Variants in ASCC3 observed in about 807,000 individuals in gnomAD.
ASCC3 encodes the protein ASC-1 complex subunit P200.
A neutral mutation model predicts 256.3 loss-of-function variants in ASCC3; 158 were observed. The ratio of observed to expected loss-of-function variants is 0.62; its 90% CI spans 0.54 to 0.70. ASCC3 has a LOEUF of 0.70. Ranked by LOEUF, ASCC3 falls within the 30% of genes least tolerant of loss-of-function variation. ASCC3 has a pLI of 0.00. For missense variants in ASCC3, 2,259 were observed against 2,626.0 expected (o/e 0.86, Z 3.05); for synonymous variants, 948 against 883.4 (o/e 1.07, Z -1.30).
intron 36 of ASCC3, among the ~76,000 whole-genome samples, chr6:100,578,856 T>C (rs1446012821): frequency 1.3e-5 from 2 of 152,152 alleles, no homozygotes; most frequent in Admixed American, 1.3e-4. Flanking sequence ...CTTTCCACAA[T>C]GGCTGAACTA....
At chr6:100,569,313 T>C (rs922151896) in intron 36 of ASCC3, among the ~76,000 whole-genome samples, 4 of 152,120 alleles carry the variant, frequency 2.6e-5, no homozygotes, top group African/African-American at 4.8e-5. Context: ...TCTATTCTGT[T>C]CCACAGGTTT....
At chr6:100,750,730 T>A (rs889575672) in intron 10 of ASCC3, among the ~76,000 whole-genome samples, 3 of 152,044 alleles carry the variant, frequency 2.0e-5, no homozygotes, top group Admixed American at 6.6e-5. Flanking sequence ...ACCATTCTTT[T>A]ATAAAACATT....
rs1305516649 is a variant in ASCC3 at position 100,718,249 on chromosome 6, C to T, written c.1905G>A (p.Val635=). Residue 635 remains valine (V), a splice_region_variant and synonymous_variant, in exon 12 of 42, where the codon GTG becomes GTA. Transcript: ENST00000369162. ...TCCTTATCATACTCTGTGTGGATTC[C>T]ACCTATATGGATTATTTTAATTAAA... ...ESIVARTLRQ[V]ESTQSMIRIL... is the part of the protein sequence containing the mutation. 6 of 1,597,570 alleles carry T rather than the reference C, an allele frequency of 3.8e-6. No individual in the cohort carries two copies. In the South Asian group the frequency reaches 4.5e-5, roughly 12 times the overall value.
intron 3 of ASCC3, among the ~76,000 whole-genome samples, chr6:100,860,091 T>A (rs1187119515): frequency 6.6e-6 from 1 of 152,016 alleles, no homozygotes; most frequent in African/African-American, 2.4e-5. Flanking sequence ...TAATTTAAAT[T>A]CTTAAGTAAC....
chr6:100,601,790 A>G lies in ASCC3; in HGVS notation c.5303+20T>C, dbSNP rs757535000. On this transcript the variant is annotated intron_variant, in intron 34 of 41. Coordinates refer to ENST00000369162, the MANE Select transcript of ASCC3 (RefSeq NM_006828.4). ...ATTTCGGGGCAAAACAGAAAGGTAT[A>G]TAACTGCCCTTGCACTTACCTGGGA... 1 of 1,611,348 alleles carries G rather than the reference A, an allele frequency of 6.2e-7. No homozygotes were observed. Among genetic ancestry groups the G allele is most frequent in the Non-Finnish European group, 8.5e-7 (1 of 1,178,046 alleles).
chr6:100,776,390 A>G (rs1477808191), intron 8 of ASCC3, among the ~76,000 whole-genome samples: 1 of 152,086 alleles, frequency 6.6e-6, no homozygotes, highest in Admixed American at 6.6e-5. Flanking sequence ...AAAACATATC[A>G]TAATTAGCAG....
chr6:100,512,573 C>T, intron 40 of ASCC3, 136 bp downstream of exon 40: 1 of 911,564 alleles, frequency 1.1e-6, no homozygotes. Flanking sequence ...AAAAGACTAA[C>T]TCTCGCTGCT....
intron 14 of ASCC3, 65 bp downstream of exon 14, chr6:100,679,553 C>T: frequency 6.2e-7 from 1 of 1,605,094 alleles, no homozygotes; most frequent in Non-Finnish European, 8.5e-7. Context: ...GGATCTTTCA[C>T]ATATAAAATA....
intron 4 of ASCC3, among the ~76,000 whole-genome samples, chr6:100,843,745 A>T (rs557514976): frequency 1.1e-4 from 16 of 152,132 alleles, no homozygotes; most frequent in Non-Finnish European, 2.2e-4. Context: ...TTAAAAAGCC[A>T]GGCAGGAAAA....
intron 8 of ASCC3, among the ~76,000 whole-genome samples, chr6:100,778,031 A>T (rs1782268652): frequency 6.6e-6 from 1 of 152,032 alleles, no homozygotes. Context: ...AATGGAGAGA[A>T]GTAGCAGAAC....
At chr6:100,711,439 C>T (rs867548643) in intron 13 of ASCC3, among the ~76,000 whole-genome samples, 1 of 151,952 alleles carries the variant, frequency 6.6e-6, no homozygotes, top group South Asian at 2.1e-4. Flanking sequence ...ATAATGAAAT[C>T]TATAGGGCTG....
intron 4 of ASCC3, among the ~76,000 whole-genome samples, chr6:100,831,881 C>G (rs1771634956): frequency 6.6e-6 from 1 of 151,240 alleles, no homozygotes; most frequent in African/African-American, 2.4e-5. Flanking sequence ...TAAAACAAAA[C>G]AAAAAAGTTA....
intron 10 of ASCC3, among the ~76,000 whole-genome samples, chr6:100,762,413 T>C (rs1781462309): frequency 6.6e-6 from 1 of 152,176 alleles, no homozygotes; most frequent in African/African-American, 2.4e-5. Context: ...ACAGTGAACA[T>C]TGTAAAATAG....
intron 4 of ASCC3, among the ~76,000 whole-genome samples, chr6:100,813,048 C>T (rs1770556268): frequency 6.6e-6 from 1 of 152,140 alleles, no homozygotes; most frequent in South Asian, 2.1e-4. Context: ...AGTGCACCAA[C>T]ATACACATAA....
intron 13 of ASCC3, among the ~76,000 whole-genome samples, chr6:100,683,747 T>G (rs978003728): frequency 1.3e-5 from 2 of 152,088 alleles, no homozygotes; most frequent in Admixed American, 1.3e-4. Flanking sequence ...AAATTCAGAT[T>G]TTTATAAAAC....
At position 100,767,172 on chromosome 6, in the gene ASCC3, T is replaced by C; in HGVS notation, c.1569A>G (p.Gln523=). 1 of 1,614,172 alleles carries C rather than the reference T, an allele frequency of 6.2e-7. No individual in the cohort carries two copies. The highest frequency in any genetic ancestry group is 8.5e-7 in the Non-Finnish European group (1 of 1,180,018). ...TAAATTCATTCTTTTTGATAACACC[T>C]TGTTGAAAATGTTGGCGAATTTCAT... ...VLHEIRQHFQ[Q]GVIKKNEFKI... is the part of the protein sequence containing the mutation. Residue 523 remains glutamine (Q), a synonymous_variant, in exon 9 of 42, where the codon CAA becomes CAG. Coordinates refer to ENST00000369162, the MANE Select transcript of ASCC3 (RefSeq NM_006828.4).
At chr6:100,546,581 C>A (rs749133637) in intron 36 of ASCC3, among the ~76,000 whole-genome samples, 2 of 152,008 alleles carry the variant, frequency 1.3e-5, no homozygotes, top group Non-Finnish European at 2.9e-5. Context: ...TGAACGGATG[C>A]AATCTACTGT....
At position 100,783,537 on chromosome 6, in the gene ASCC3, C is replaced by T. The variant is rs575961432; in HGVS notation, c.1395+15176G>A. ...TGAGGACGTGGTCTGTCCTCAAGAGCTCACATTGCAGCAGATGAATCTAGA... is the reference window on the plus strand; with the variant it reads ...TGAGGACGTGGTCTGTCCTCAAGAGTTCACATTGCAGCAGATGAATCTAGA... On this transcript the variant is annotated intron_variant, in intron 8 of 41. Transcript: ENST00000369162. 2.6e-5 allele frequency among the ~76,000 whole-genome samples: 4 copies of T among 152,296 alleles called. No homozygotes were observed. In the South Asian group the frequency reaches 8.3e-4, roughly 32 times the overall value.
intron 10 of ASCC3, among the ~76,000 whole-genome samples, 161 bp downstream of exon 10, chr6:100,766,404 A>T (rs537727027): frequency 2.9e-4 from 44 of 151,944 alleles, no homozygotes; most frequent in Non-Finnish European, 3.8e-4. Flanking sequence ...ACCAGCAAAA[A>T]CTCTTTGTAG....
Sources: allele counts gnomAD v4.1 joint callset (sites outside exome capture counted in the v4.1 genomes callset), GRCh38; gene constraint gnomAD v4.1.1; transcripts MANE v1.5; gene names NCBI Gene and HGNC (gene_info 2026-07-23, HGNC 2026-07-21).